Variants in KCNJ6 observed in about 807,000 individuals in gnomAD.
KCNJ6 encodes the protein G protein-activated inward rectifier potassium channel 2.
Under a neutral mutation model 34.2 loss-of-function variants are expected in KCNJ6, and 9 were observed. The ratio of observed to expected loss-of-function variants is 0.26; its 90% CI spans 0.16 to 0.46. The LOEUF (loss-of-function observed/expected upper bound fraction) is 0.46, where lower values mean the gene tolerates loss of function less well. Among genes scored for constraint, KCNJ6 ranks in the 20% least tolerant of loss-of-function variants. The pLI is 1.00. For missense variants in KCNJ6, 236 were observed against 531.3 expected (o/e 0.44, Z 5.46); for synonymous variants, 196 against 207.1 (o/e 0.95, Z 0.46).
At chr21:37,900,668 T>C (rs1370496192) in intron 1 of KCNJ6, among the ~76,000 whole-genome samples, 1 of 151,998 alleles carries the variant, frequency 6.6e-6, no homozygotes, top group Admixed American at 6.6e-5. Context: ...CTGGGTGGAT[T>C]TGATGGGAGA....
At chr21:37,808,502 G>C (rs1020484343) in intron 2 of KCNJ6, among the ~76,000 whole-genome samples, 1 of 152,212 alleles carries the variant, frequency 6.6e-6, no homozygotes, top group African/African-American at 2.4e-5. Context: ...ATGAGGTTAT[G>C]CCTGGCCTTG....
chr21:37,768,521 G>A (rs989242939), intron 2 of KCNJ6, among the ~76,000 whole-genome samples: 19 of 152,202 alleles, frequency 1.2e-4, no homozygotes, highest in African/African-American at 4.1e-4. Context: ...CAAGATGGAG[G>A]ATGACACTGG....
At chr21:37,661,614 GTT>G (rs59026391) in intron 3 of KCNJ6, among the ~76,000 whole-genome samples, 884 of 70,864 alleles carry the variant, frequency 0.012, 6 homozygotes, top group South Asian at 0.029. Context: ...AAGAGACATA[GTT>G]TTTTTTTTTT....
At chr21:37,692,785 C>T (rs1390614304) in intron 3 of KCNJ6, among the ~76,000 whole-genome samples, 3 of 152,198 alleles carry the variant, frequency 2.0e-5, no homozygotes, top group Non-Finnish European at 4.4e-5. Context: ...AATTACTCAG[C>T]GATCTGCCAA....
At chr21:37,701,019 A>G (rs1468688206) in intron 3 of KCNJ6, among the ~76,000 whole-genome samples, 1 of 152,174 alleles carries the variant, frequency 6.6e-6, no homozygotes, top group Admixed American at 6.5e-5. Context: ...GAAATGCATG[A>G]CAGGAAGCAA....
intron 1 of KCNJ6, among the ~76,000 whole-genome samples, chr21:37,879,730 TGTGTG>T (rs1426488066): frequency 4.0e-5 from 6 of 150,816 alleles, no homozygotes; most frequent in South Asian, 4.2e-4. Context: ...TGTGTGTGTG[TGTGTG>T]TGTGTGTGTG....
At chr21:37,640,618 C>T (rs757210749) in intron 3 of KCNJ6, among the ~76,000 whole-genome samples, 3 of 152,264 alleles carry the variant, frequency 2.0e-5, no homozygotes, top group Non-Finnish European at 4.4e-5. Context: ...AAAACCTCCA[C>T]AGGGAAAGAT....
chr21:37,915,021 A>G lies in KCNJ6; in HGVS notation c.-28+863T>C, dbSNP rs549958835. On this transcript the variant is annotated intron_variant, in intron 1 of 3. Coordinates refer to ENST00000609713, the MANE Select transcript of KCNJ6 (RefSeq NM_002240.5). ...AACCTCACCCTCTGTGGCTGTTTCT[A>G]TTAAGATATATTTTCCCCCTGACAA... is the stretch of plus-strand genomic sequence containing the variant. Among the ~76,000 whole-genome samples, 10 of 150,898 alleles carry G rather than the reference A, an allele frequency of 6.6e-5. No homozygotes were observed. In the East Asian group the frequency reaches 1.4e-3, roughly 21 times the overall value.
chr21:37,832,303 G>A lies in KCNJ6; in HGVS notation c.25+8355C>T, dbSNP rs140492890. Among the ~76,000 whole-genome samples the A allele has an allele frequency of 8.6e-5, 13 of 151,838 alleles. No homozygotes were observed. In the East Asian group the frequency reaches 2.5e-3, roughly 29 times the overall value. On this transcript the variant is annotated intron_variant, in intron 2 of 3. Coordinates refer to ENST00000609713, the MANE Select transcript of KCNJ6 (RefSeq NM_002240.5). ...AGTGCATTTTAAAAAGCACCATCTA[G>A]TGGGCCTGGAGTAGCTTTTGTCCCG...
intron 1 of KCNJ6, among the ~76,000 whole-genome samples, chr21:37,906,870 C>T (rs924848984): frequency 1.3e-5 from 2 of 152,150 alleles, no homozygotes; most frequent in African/African-American, 4.8e-5. Context: ...GGCCCAGCCA[C>T]CCCAGGAGGG....
intron 1 of KCNJ6, among the ~76,000 whole-genome samples, chr21:37,864,873 T>G (rs3859700): frequency 9.3e-6 from 1 of 108,058 alleles, no homozygotes; most frequent in South Asian, 2.8e-4. Flanking sequence ...CTCTCTCTCT[T>G]TTTTTTTTTT....
At chr21:37,862,297 T>C (rs768600251) in intron 1 of KCNJ6, among the ~76,000 whole-genome samples, 6 of 152,236 alleles carry the variant, frequency 3.9e-5, no homozygotes, top group African/African-American at 7.2e-5. Context: ...TCACTATTTA[T>C]AGTAAATATC....
At chr21:37,817,258 C>T (rs1434838598) in intron 2 of KCNJ6, among the ~76,000 whole-genome samples, 2 of 152,184 alleles carry the variant, frequency 1.3e-5, no homozygotes, top group Non-Finnish European at 2.9e-5. Flanking sequence ...GGTTTGAATC[C>T]TGATTGTTCT....
chr21:37,758,947 C>T (rs558322511), intron 2 of KCNJ6, among the ~76,000 whole-genome samples: 201 of 152,310 alleles, frequency 1.3e-3, no homozygotes, highest in South Asian at 3.5e-3. Context: ...AGATATTTTA[C>T]AGGCGAGGAA....
chr21:37,819,013 TACTTCACC>T (rs2055361427), intron 2 of KCNJ6, among the ~76,000 whole-genome samples: 2 of 152,232 alleles, frequency 1.3e-5, no homozygotes, highest in Non-Finnish European at 2.9e-5. Context: ...ACAGGTATAT[TACTTCACC>T]CCTAGAACTC....
intron 2 of KCNJ6, among the ~76,000 whole-genome samples, chr21:37,788,880 T>C (rs1046347396): frequency 2.6e-5 from 4 of 152,218 alleles, no homozygotes; most frequent in Non-Finnish European, 5.9e-5. Flanking sequence ...GATGGTTTGT[T>C]ATGCAGCAAA....
chr21:37,749,223 A>AG (rs2054982463), intron 2 of KCNJ6, among the ~76,000 whole-genome samples: 1 of 152,144 alleles, frequency 6.6e-6, no homozygotes, highest in Non-Finnish European at 1.5e-5. Context: ...TCTCGAGGGC[A>AG]TCTTTGCTCA....
chr21:37,646,717 C>T (rs2054406197), intron 3 of KCNJ6, among the ~76,000 whole-genome samples: 1 of 150,826 alleles, frequency 6.6e-6, no homozygotes, highest in East Asian at 1.9e-4. Context: ...GTCGCCCAGG[C>T]TGGAGTGCAG....
intron 2 of KCNJ6, among the ~76,000 whole-genome samples, chr21:37,749,033 T>A (rs993874128): frequency 2.6e-5 from 4 of 152,228 alleles, no homozygotes; most frequent in African/African-American, 9.6e-5. Context: ...TGTGTATGTA[T>A]CTGTGTACAA....
Sources: allele counts gnomAD v4.1 joint callset (sites outside exome capture counted in the v4.1 genomes callset), GRCh38; gene constraint gnomAD v4.1.1; transcripts MANE v1.5; gene names NCBI Gene and HGNC (gene_info 2026-07-23, HGNC 2026-07-21).